Variants in USO1 observed in about 807,000 individuals in gnomAD.
USO1 encodes the protein general vesicular transport factor p115.
Under a neutral mutation model 124.5 loss-of-function variants are expected in USO1, and 57 were observed. The ratio of observed to expected loss-of-function variants is 0.46; its 90% confidence interval spans 0.37 to 0.57. USO1 has a LOEUF of 0.57. USO1 is among the 20% of genes least tolerant of loss of function. The pLI is 0.00. For missense variants in USO1, 900 were observed against 1,040.6 expected, an observed-to-expected ratio of 0.86 and a Z score of 1.86; for synonymous variants, 369 against 362.8, an observed-to-expected ratio of 1.02 and a Z score of -0.19.
intron 4 of USO1, among the ~76,000 whole-genome samples, chr4:75,769,596 T>C (rs998702718): frequency 6.6e-5 from 10 of 152,320 alleles, no homozygotes; most frequent in African/African-American, 2.2e-4. Flanking sequence ...ATTCTGACGC[T>C]CAGCCAATGC....
chr4:75,727,747 C>T (rs1311100471), intron 1 of USO1, among the ~76,000 whole-genome samples: 1 of 151,934 alleles, frequency 6.6e-6, no homozygotes, highest in Non-Finnish European at 1.5e-5. Context: ...TTCATGGTGG[C>T]TTTCCATCTT....
At chr4:75,757,967 T>C (rs886659420) in intron 4 of USO1, among the ~76,000 whole-genome samples, 2 of 152,162 alleles carry the variant, frequency 1.3e-5, no homozygotes, top group Non-Finnish European at 2.9e-5. Flanking sequence ...ACTTAAACTT[T>C]TTACATAGGA....
intron 9 of USO1, 40 bp downstream of exon 9, chr4:75,782,898 C>A: frequency 6.6e-7 from 1 of 1,519,702 alleles, no homozygotes; most frequent in Non-Finnish European, 8.7e-7. Context: ...AGAATTTTGA[C>A]AGTGATCTTT....
chr4:75,806,629 A>G (rs1188404231), intron 20 of USO1, 57 bp downstream of exon 20: 2 of 1,531,738 alleles, frequency 1.3e-6, no homozygotes, highest in African/African-American at 2.8e-5. Context: ...TAATAGAATA[A>G]CAGCCCTATA....
At chr4:75,782,143 G>A (rs1281158213) in intron 8 of USO1, among the ~76,000 whole-genome samples, 2 of 152,184 alleles carry the variant, frequency 1.3e-5, no homozygotes, top group African/African-American at 4.8e-5. Flanking sequence ...GAGACAAACC[G>A]ACAATGTTAA....
At chr4:75,730,435 A>G (rs1364039831) in intron 1 of USO1, among the ~76,000 whole-genome samples, 1 of 152,162 alleles carries the variant, frequency 6.6e-6, no homozygotes, top group Non-Finnish European at 1.5e-5. Context: ...GCTGTTTGCC[A>G]AATTTATCTG....
intron 1 of USO1, among the ~76,000 whole-genome samples, chr4:75,748,355 A>T (rs964398201): frequency 3.3e-5 from 5 of 150,694 alleles, no homozygotes; most frequent in African/African-American, 1.2e-4. Flanking sequence ...TGCCTGGCTA[A>T]TTTGTTGTAG....
At chr4:75,725,241 C>G (rs1319848880) in intron 1 of USO1, among the ~76,000 whole-genome samples, 1 of 152,200 alleles carries the variant, frequency 6.6e-6, no homozygotes, top group Non-Finnish European at 1.5e-5. Flanking sequence ...GTGGGCCCCT[C>G]CCTCTTTCTC....
At chr4:75,803,818 A>G (rs1286737537) in intron 17 of USO1, among the ~76,000 whole-genome samples, 1 of 152,048 alleles carries the variant, frequency 6.6e-6, no homozygotes, top group Non-Finnish European at 1.5e-5. Flanking sequence ...AATTTCTTAA[A>G]TAGTTTGATG....
At chr4:75,810,690 A>C (rs537853258) in intron 22 of USO1, among the ~76,000 whole-genome samples, 151 bp downstream of exon 22, 4 of 152,256 alleles carry the variant, frequency 2.6e-5, no homozygotes, top group Non-Finnish European at 5.9e-5. Flanking sequence ...TTGATGATTT[A>C]AGATGGCACA....
At chr4:75,777,819 C>G (rs1366292583) in intron 8 of USO1, among the ~76,000 whole-genome samples, 1 of 152,196 alleles carries the variant, frequency 6.6e-6, no homozygotes, top group Admixed American at 6.5e-5. Flanking sequence ...TATGACTCAA[C>G]AATCACGCTC....
At position 75,813,224 on chromosome 4, in the gene USO1, C is replaced by T. The variant is rs761869427; in HGVS notation, c.2818C>T (p.Leu940Phe). 1.9e-6 allele frequency: 3 copies of T among 1,610,076 alleles called. No individual in the cohort carries two copies. The highest frequency in any genetic ancestry group is 1.7e-6 in the Non-Finnish European group (2 of 1,178,712). The change falls in exon 24 of 24, where the codon CTT (leucine) becomes TTT (phenylalanine). Residue 940 changes from leucine to phenylalanine, a missense_variant. Physicochemically the swap from Leu to Phe is conservative, Grantham distance 22 (BLOSUM62 0). Around this residue, in one of 2 missense-constraint regions of USO1, gnomAD observed 362 missense variants for 359.0 expected, o/e 1.01. Coordinates refer to ENST00000514213, the MANE Select transcript of USO1 (RefSeq NM_003715.4). Reference protein sequence around the residue: ...LGHPVEEEDELESGDQEDEDD... With the variant: ...LGHPVEEEDEFESGDQEDEDD... Reference sequence around the variant, plus strand: ...CCTCTAGGTTGAAGAAGAGGATGAACTTGAATCTGGAGACCAAGAGGATGA... The same window carrying T: ...CCTCTAGGTTGAAGAAGAGGATGAATTTGAATCTGGAGACCAAGAGGATGA...
intron 1 of USO1, among the ~76,000 whole-genome samples, chr4:75,749,822 G>A (rs13134891): frequency 0.53 from 79,157 of 149,820 alleles, 22,837 homozygotes; most frequent in East Asian, 0.82. Flanking sequence ...GTGCGATCTC[G>A]GCTCACTGCA....
At chr4:75,775,393 G>A (rs1357347015) in intron 8 of USO1, among the ~76,000 whole-genome samples, 1 of 152,130 alleles carries the variant, frequency 6.6e-6, no homozygotes, top group Non-Finnish European at 1.5e-5. Context: ...ACAAAAATTA[G>A]CTGGGCGTGG....
At chr4:75,766,177 G>A (rs1170911443) in intron 4 of USO1, among the ~76,000 whole-genome samples, 2 of 152,076 alleles carry the variant, frequency 1.3e-5, no homozygotes, top group African/African-American at 4.8e-5. Flanking sequence ...GAAATATAAG[G>A]TAAAATATCA....
intron 21 of USO1, among the ~76,000 whole-genome samples, chr4:75,809,258 TA>T (rs1723078699): frequency 6.6e-6 from 1 of 152,188 alleles, no homozygotes; most frequent in Non-Finnish European, 1.5e-5. Flanking sequence ...TTCAGTTACT[TA>T]ATAGTTTATT....
intron 1 of USO1, among the ~76,000 whole-genome samples, chr4:75,731,653 T>G (rs1720635901): frequency 6.6e-6 from 1 of 152,250 alleles, no homozygotes; most frequent in African/African-American, 2.4e-5. Context: ...CATGAATTAT[T>G]TGTCTTACAG....
In USO1 at chr4:75,793,898, A is replaced by G; in HGVS notation, c.1449A>G (p.Ser483=). 1.9e-6 allele frequency: 3 copies of G among 1,613,974 alleles called. No homozygotes were observed. The highest frequency in any genetic ancestry group is 2.5e-6 in the Non-Finnish European group (3 of 1,179,862). ...TTCAACAGTGCACCAATATTCTTTC[A>G]CAGGTAAAGTTTTGCATAAGGGAAA... ...SLLQQCTNIL[S]QGSKIQTRVG... The change falls in exon 13 of 24, where the codon TCA becomes TCG. Residue 483 remains serine (S), a synonymous_variant. Coordinates refer to ENST00000514213, the MANE Select transcript of USO1 (RefSeq NM_003715.4).
chr4:75,775,888 C>T (rs942367243), intron 8 of USO1, among the ~76,000 whole-genome samples: 1 of 152,050 alleles, frequency 6.6e-6, no homozygotes, highest in African/African-American at 2.4e-5. Flanking sequence ...AGCCATGGAA[C>T]AAATGTGTTG....
Sources: gnomAD v4.1 joint callset for allele counts (sites outside exome capture counted in the v4.1 genomes callset) on GRCh38, gnomAD v4.1.1 for gene constraint, gnomAD v4.1.1 regional missense constraint, MANE v1.5 for transcripts, NCBI Gene and HGNC (gene_info 2026-07-23, HGNC 2026-07-21) for gene names.